Variants in TRPM3 observed in about 807,000 individuals in gnomAD.
TRPM3 encodes the protein long transient receptor potential channel 3.
TRPM3 carries 77 observed loss-of-function variants against 181.2 expected under a neutral mutation model. That is an observed-to-expected ratio of 0.42 (90% confidence interval 0.35 to 0.51). The LOEUF is 0.51. TRPM3 is among the 20% of genes least tolerant of loss of function. TRPM3 has a pLI of 0.01. For missense variants in TRPM3, 1,759 were observed against 2,196.7 expected, an observed-to-expected ratio of 0.80 and a Z score of 3.98; for synonymous variants, 745 against 796.4, an observed-to-expected ratio of 0.94 and a Z score of 1.09.
chr9:70,599,089 C>T (rs967814774), intron 20 of TRPM3, among the ~76,000 whole-genome samples: 2 of 152,136 alleles, frequency 1.3e-5, no homozygotes, highest in African/African-American at 4.8e-5. Context: ...GTCCTATCAC[C>T]TCTATTTCTA....
At chr9:70,864,207 C>G in intron 2 of TRPM3, among the ~76,000 whole-genome samples, 1 of 151,986 alleles carries the variant, frequency 6.6e-6, no homozygotes, top group South Asian at 2.1e-4. Context: ...ATTCCTTCCA[C>G]AATGGTATAT....
intron 1 of TRPM3, among the ~76,000 whole-genome samples, chr9:71,170,364 C>T (rs2076790337): frequency 6.6e-6 from 1 of 152,160 alleles, no homozygotes; most frequent in African/African-American, 2.4e-5. Context: ...ACTGCTAATC[C>T]TGTGAGTCAG....
intron 1 of TRPM3, among the ~76,000 whole-genome samples, chr9:71,280,282 AT>A (rs2132187001): frequency 6.6e-6 from 1 of 152,256 alleles, no homozygotes; most frequent in East Asian, 1.9e-4. Flanking sequence ...TTTACTGCCT[AT>A]TTTTGTAGGC....
intron 1 of TRPM3, among the ~76,000 whole-genome samples, chr9:71,044,065 C>A (rs1010768016): frequency 6.6e-6 from 1 of 152,128 alleles, no homozygotes; most frequent in Non-Finnish European, 1.5e-5. Context: ...CTAGGCTTTT[C>A]CATAATTAAA....
chr9:70,812,587 T>G (rs2092226458), intron 6 of TRPM3, among the ~76,000 whole-genome samples: 1 of 152,168 alleles, frequency 6.6e-6, no homozygotes, highest in Non-Finnish European at 1.5e-5. Flanking sequence ...CAGGCCATTC[T>G]AGCACTGTGT....
intron 1 of TRPM3, among the ~76,000 whole-genome samples, chr9:71,359,652 C>T (rs2092059619): frequency 6.6e-6 from 1 of 151,968 alleles, no homozygotes; most frequent in African/African-American, 2.4e-5. Context: ...TTCTTAGTAA[C>T]TTTCTTGGGT....
At chr9:71,029,952 A>C (rs923431538) in intron 1 of TRPM3, among the ~76,000 whole-genome samples, 3 of 152,180 alleles carry the variant, frequency 2.0e-5, no homozygotes, top group Non-Finnish European at 4.4e-5. Context: ...AAAAGGAGCT[A>C]CTCAAGGGGT....
chr9:70,617,522 T>C (rs2062977463), intron 17 of TRPM3, among the ~76,000 whole-genome samples: 1 of 152,178 alleles, frequency 6.6e-6, no homozygotes, highest in African/African-American at 2.4e-5. Flanking sequence ...ATACGAGGAC[T>C]CTAGCTGAAA....
chr9:70,689,362 T>A (rs2067851978), intron 8 of TRPM3, among the ~76,000 whole-genome samples: 1 of 151,964 alleles, frequency 6.6e-6, no homozygotes, highest in Non-Finnish European at 1.5e-5. Flanking sequence ...ATAAGTAAAA[T>A]ATATTATAGC....
chr9:71,305,485 G>C (rs1303001417), intron 1 of TRPM3, among the ~76,000 whole-genome samples: 1 of 152,074 alleles, frequency 6.6e-6, no homozygotes, highest in Non-Finnish European at 1.5e-5. Context: ...CCAGTGTAAA[G>C]GTCTGGTAAA....
intron 1 of TRPM3, among the ~76,000 whole-genome samples, chr9:71,269,116 A>G (rs975973525): frequency 6.6e-6 from 1 of 152,236 alleles, no homozygotes; most frequent in African/African-American, 2.4e-5. Context: ...TTCCAACTTT[A>G]GAAATACTTT....
intron 22 of TRPM3, among the ~76,000 whole-genome samples, chr9:70,565,512 C>T (rs1182846927): frequency 1.3e-5 from 2 of 152,150 alleles, no homozygotes; most frequent in East Asian, 1.9e-4. Context: ...AGGCTGGTCT[C>T]GAACCGCTGA....
At chr9:70,949,769 G>A (rs746758961) in intron 1 of TRPM3, among the ~76,000 whole-genome samples, 21 of 152,132 alleles carry the variant, frequency 1.4e-4, no homozygotes, top group Non-Finnish European at 2.4e-4. Flanking sequence ...ATAACGGGAT[G>A]AGCATCAGAT....
chr9:71,235,756 C>T (rs927925762), intron 1 of TRPM3, among the ~76,000 whole-genome samples: 1 of 152,176 alleles, frequency 6.6e-6, no homozygotes, highest in African/African-American at 2.4e-5. Flanking sequence ...GTCAAACACA[C>T]AAATGGGTGC....
chr9:70,602,074 C>T (rs10780953), intron 20 of TRPM3, among the ~76,000 whole-genome samples: 99,681 of 149,144 alleles, frequency 0.67, 33,491 homozygotes, highest in African/African-American at 0.71. Context: ...GACCGAAGTG[C>T]AGACAACCAG....
chr9:71,021,669 G>A (rs1159181711), intron 1 of TRPM3, among the ~76,000 whole-genome samples: 2 of 152,126 alleles, frequency 1.3e-5, no homozygotes, highest in African/African-American at 2.4e-5. Context: ...CCAGGTATAA[G>A]ACGAAATATT....
chr9:71,046,180 T>A (rs988008741), intron 1 of TRPM3, among the ~76,000 whole-genome samples: 1 of 152,054 alleles, frequency 6.6e-6, no homozygotes, highest in Non-Finnish European at 1.5e-5. Context: ...AGAGATGGGG[T>A]TTCACTATCC....
chr9:70,573,339 C>T (rs916304937), intron 22 of TRPM3, among the ~76,000 whole-genome samples: 2 of 152,202 alleles, frequency 1.3e-5, no homozygotes, highest in African/African-American at 4.8e-5. Flanking sequence ...ATGGTGGTTT[C>T]ATTCCTGGAA....
intron 6 of TRPM3, among the ~76,000 whole-genome samples, chr9:70,824,261 G>A (rs1233513789): frequency 1.3e-5 from 2 of 152,154 alleles, no homozygotes; most frequent in East Asian, 1.9e-4. Flanking sequence ...GCCATCCTGA[G>A]TGTAAGAGGT....
Sources: allele counts gnomAD v4.1 joint callset (sites outside exome capture counted in the v4.1 genomes callset), GRCh38; gene constraint gnomAD v4.1.1; transcripts MANE v1.5; gene names NCBI Gene and HGNC (gene_info 2026-07-23, HGNC 2026-07-21).